BBS4: variants seen among roughly 807,000 people sequenced by gnomAD.
BBS4 encodes BBSome complex member BBS4.
BBS4 carries 58 observed loss-of-function variants against 71.4 expected under a neutral mutation model. The observed-to-expected ratio is 0.81, with a 90% CI of 0.66 to 1.01. The LOEUF is 1.01. BBS4 is among the 50% of genes least tolerant of loss of function. The pLI is 0.00. For missense variants in BBS4, 660 were observed against 607.9 expected, an observed-to-expected ratio of 1.09 and a Z score of -0.90; for synonymous variants, 228 against 216.8, an observed-to-expected ratio of 1.05 and a Z score of -0.46.
intron 2 of BBS4, chr15:72,704,344 A>T: frequency 1.2e-6 from 1 of 829,148 alleles, no homozygotes. Flanking sequence ...TTACATGCTT[A>T]TGTTTTGTGG....
At chr15:72,690,961 A>G (rs2064972502) in intron 1 of BBS4, among the ~76,000 whole-genome samples, 1 of 152,154 alleles carries the variant, frequency 6.6e-6, no homozygotes, top group Non-Finnish European at 1.5e-5. Context: ...TTCATGAATA[A>G]TGATATTGAA....
chr15:72,726,304 G>T (rs549883887), intron 8 of BBS4, among the ~76,000 whole-genome samples: 22 of 152,084 alleles, frequency 1.4e-4, no homozygotes, highest in African/African-American at 5.1e-4. Flanking sequence ...CAGAGACAGG[G>T]TTTCACCATG....
chr15:72,694,583 G>A (rs745367984), intron 1 of BBS4, among the ~76,000 whole-genome samples: 1 of 152,082 alleles, frequency 6.6e-6, no homozygotes, highest in Non-Finnish European at 1.5e-5. Context: ...ATTTAACCTG[G>A]TCAGGATTTG....
intron 2 of BBS4, among the ~76,000 whole-genome samples, chr15:72,706,223 G>A (rs2151011781): frequency 1.3e-5 from 2 of 152,074 alleles, no homozygotes; most frequent in Middle Eastern, 6.8e-3. Context: ...TGCAACCCCC[G>A]TCTCCTGGGT....
intron 14 of BBS4, 109 bp downstream of exon 14, chr15:72,736,075 G>A: frequency 7.8e-7 from 1 of 1,275,360 alleles, no homozygotes; most frequent in Non-Finnish European, 1.1e-6. Context: ...TGGCTGTTCT[G>A]GCTTTGATGT....
In BBS4 at chr15:72,716,848, T is replaced by A. The variant is rs768304898; in HGVS notation, c.403T>A (p.Trp135Arg). The part of the protein sequence containing the change: ...NEAAKLNQKD[W>R]EISHNLGVCY... ...AGCAGCTAAACTCAACCAGAAAGAT[T>A]GGGTAAGTAGAGAACTTTCAGTTCT... The change falls in exon 6 of 16, where the codon TGG becomes AGG. Residue 135 changes from tryptophan to arginine, a missense_variant and splice_region_variant. Coordinates refer to ENST00000268057, the MANE Select transcript of BBS4 (RefSeq NM_033028.5). 1 of 1,606,738 alleles carries A rather than the reference T, an allele frequency of 6.2e-7. No homozygotes were observed. The highest frequency in any genetic ancestry group is 8.5e-7 in the Non-Finnish European group (1 of 1,175,314).
intron 9 of BBS4, among the ~76,000 whole-genome samples, chr15:72,729,314 G>C (rs1351914919): frequency 6.8e-6 from 1 of 146,712 alleles, no homozygotes; most frequent in Non-Finnish European, 1.5e-5. Flanking sequence ...GCAATGGCGT[G>C]ATCTCGGCTC....
chr15:72,709,534 A>G (rs976723349), intron 2 of BBS4, among the ~76,000 whole-genome samples, 166 bp from the exon 3 acceptor site: 9 of 152,038 alleles, frequency 5.9e-5, no homozygotes, highest in Non-Finnish European at 2.9e-5. Flanking sequence ...TCTTAGTTTA[A>G]TAGTCTATAA....
chr15:72,715,692 C>T (rs2065456060), intron 5 of BBS4, among the ~76,000 whole-genome samples: 1 of 152,198 alleles, frequency 6.6e-6, no homozygotes, highest in South Asian at 2.1e-4. Context: ...CCTAAGTCTT[C>T]TAAACTTATT....
At chr15:72,733,758 G>A (rs1338412625) in intron 12 of BBS4, among the ~76,000 whole-genome samples, 2 of 152,166 alleles carry the variant, frequency 1.3e-5, no homozygotes, top group Non-Finnish European at 2.9e-5. Flanking sequence ...CTTTATGGCA[G>A]AACGATTTAC....
chr15:72,736,467 C>T (rs2065926609), intron 14 of BBS4, among the ~76,000 whole-genome samples: 1 of 152,116 alleles, frequency 6.6e-6, no homozygotes, highest in South Asian at 2.1e-4. Flanking sequence ...GTCTTGATCT[C>T]TTGACCTCGT....
chr15:72,724,420 G>T, intron 7 of BBS4, 108 bp from the exon 8 acceptor site: 1 of 1,515,248 alleles, frequency 6.6e-7, no homozygotes, highest in Middle Eastern at 1.9e-4. Context: ...GCTGAAATGT[G>T]ATGTTCCTAT....
intron 6 of BBS4, among the ~76,000 whole-genome samples, chr15:72,719,155 TG>T (rs2065519570): frequency 6.6e-6 from 1 of 151,766 alleles, no homozygotes; most frequent in Non-Finnish European, 1.5e-5. Flanking sequence ...GCCAGGATCA[TG>T]GGGGTGGCCA....
At chr15:72,700,450 TTTG>T (rs2065150979) in intron 2 of BBS4, among the ~76,000 whole-genome samples, 1 of 152,200 alleles carries the variant, frequency 6.6e-6, no homozygotes, top group African/African-American at 2.4e-5. Context: ...CTTGCCAACA[TTTG>T]TTACTATCAG....
At chr15:72,719,214 C>T (rs2065520584) in intron 6 of BBS4, among the ~76,000 whole-genome samples, 1 of 151,108 alleles carries the variant, frequency 6.6e-6, no homozygotes, top group Non-Finnish European at 1.5e-5. Flanking sequence ...CAGGGCCCAC[C>T]AATAATCCCT....
At chr15:72,736,637 G>C (rs1434906768) in intron 14 of BBS4, 125 bp from the exon 15 acceptor site, 2 of 862,202 alleles carry the variant, frequency 2.3e-6, no homozygotes, top group African/African-American at 1.7e-5. Flanking sequence ...AGTACTTCCT[G>C]CCTCAACTGC....
At chr15:72,713,345 A>ACACACACG (rs1012999091) in intron 4 of BBS4, among the ~76,000 whole-genome samples, 228 of 118,544 alleles carry the variant, frequency 1.9e-3, no homozygotes, top group African/African-American at 5.4e-3. Flanking sequence ...ACACACACAC[A>ACACACACG]CACACGCACA....
intron 2 of BBS4, among the ~76,000 whole-genome samples, chr15:72,696,075 A>G (rs1270079622): frequency 6.6e-6 from 1 of 152,206 alleles, no homozygotes; most frequent in Non-Finnish European, 1.5e-5. Context: ...TGGAAGGGTG[A>G]TAGAAGAGTG....
At chr15:72,734,898 G>C (rs2065890266) in intron 12 of BBS4, among the ~76,000 whole-genome samples, 1 of 152,178 alleles carries the variant, frequency 6.6e-6, no homozygotes, top group South Asian at 2.1e-4. Context: ...AACAAGGGCA[G>C]TGTCAGAAAA....
Sources: allele counts gnomAD v4.1 joint callset (sites outside exome capture counted in the v4.1 genomes callset), GRCh38; gene constraint gnomAD v4.1.1; transcripts MANE v1.5; gene names NCBI Gene and HGNC (gene_info 2026-07-23, HGNC 2026-07-21).